The following DENND5A variants were observed in gnomAD, a reference collection of about 807,000 sequenced individuals.
DENND5A encodes the protein DENN domain-containing protein 5A.
In DENND5A, 64 loss-of-function variants were observed where a neutral mutation model predicts 140.3. That is an observed-to-expected ratio of 0.46 (90% CI 0.37 to 0.56). DENND5A has a LOEUF of 0.56. Among genes scored for constraint, DENND5A ranks in the 20% least tolerant of loss-of-function variants. The pLI is 0.00. For synonymous variants in DENND5A, 605 were observed against 607.7 expected (o/e 1.00, Z 0.07); for missense variants, 1,292 against 1,593.8 (o/e 0.81, Z 3.22).
intron 4 of DENND5A, among the ~76,000 whole-genome samples, chr11:9,194,600 A>G (rs576911194): frequency 8.0e-4 from 122 of 152,126 alleles, no homozygotes; most frequent in Non-Finnish European, 1.5e-3. Context: ...CTAGAACTTG[A>G]AAGACTCAGA....
chr11:9,200,193 C>T (rs572081444), intron 4 of DENND5A, among the ~76,000 whole-genome samples: 1 of 152,260 alleles, frequency 6.6e-6, no homozygotes, highest in East Asian at 1.9e-4. Flanking sequence ...CTCTAAACAC[C>T]CCCAATGCCT....
chr11:9,165,781 T>G, intron 11 of DENND5A, 55 bp downstream of exon 11: 1 of 1,601,286 alleles, frequency 6.2e-7, no homozygotes, highest in African/African-American at 1.3e-5. Flanking sequence ...CAATCCTTGG[T>G]CTTACCTTGG....
chr11:9,142,630 G>A, intron 21 of DENND5A, 92 bp downstream of exon 21: 1 of 1,499,228 alleles, frequency 6.7e-7, no homozygotes, highest in Non-Finnish European at 9.0e-7. Context: ...TTTGGGTTCT[G>A]CCTCTCAGAG....
Position 9,204,445 on chromosome 11 carries a change from T to G in DENND5A, c.292-128A>C. On this transcript the variant is annotated intron_variant, in intron 3 of 22. Coordinates refer to ENST00000328194, the MANE Select transcript of DENND5A (RefSeq NM_015213.4). ...AGCGTGTATCTGGCTTAAAGCTCTCTCTTTCTAATGCAAGACATGCAAGTA... is the reference window on the plus strand; with the variant it reads ...AGCGTGTATCTGGCTTAAAGCTCTCGCTTTCTAATGCAAGACATGCAAGTA... The G allele has an allele frequency of 3.6e-6, 3 of 839,760 alleles. No individual in the cohort carries two copies. The Admixed American group carries it at 8.5e-5, about 24-fold the overall frequency. The allele number at this position is 839,760 out of a possible 1,614,324, so 52.0% of individuals were successfully genotyped here. A position where few individuals can be genotyped will look rare whatever the true frequency, so the allele number is the denominator to read the frequency against.
At chr11:9,191,179 ATAGCCCAGAACAGAGGGAACTTT>A (rs1468434853) in intron 5 of DENND5A, among the ~76,000 whole-genome samples, 1 of 152,050 alleles carries the variant, frequency 6.6e-6, no homozygotes, top group Non-Finnish European at 1.5e-5. Context: ...GGAGGCTCCA[ATAGCCCAGAACAGAGGGAACTTT>A]TGGGTTTCTT....
At chr11:9,197,325 G>A (rs898295764) in intron 4 of DENND5A, among the ~76,000 whole-genome samples, 5 of 149,266 alleles carry the variant, frequency 3.3e-5, no homozygotes, top group African/African-American at 1.2e-4. Flanking sequence ...TATATATATA[G>A]TGTATTATTA....
At chr11:9,175,313 C>T (rs1357383132) in intron 8 of DENND5A, 1 of 151,938 alleles carries the variant, frequency 6.6e-6, no homozygotes, top group Non-Finnish European at 1.5e-5. Context: ...AAAACCTGTA[C>T]CCTGAAAAGT....
chr11:9,264,983 C>G lies in DENND5A; in HGVS notation c.87G>C (p.Gly29=), dbSNP rs1442336387. The G allele has an allele frequency of 4.4e-6, 7 of 1,587,742 alleles. No individual in the cohort carries two copies. The Admixed American group carries it at 5.2e-5, about 12-fold the overall frequency. Residue 29 remains glycine (G), a synonymous_variant, in exon 1 of 23, where the codon GGG becomes GGC. Transcript: ENST00000328194. ...FVICGLDTET[G]LEPDELSALC... is the part of the protein sequence containing the mutation. The stretch of plus-strand genomic sequence containing the variant: ...CACCCGACAGCTCGTCCGGCTCCAG[C>G]CCGGTCTCCGTGTCCAGTCCGCAGA...
At chr11:9,231,280 G>A (rs937116898) in intron 1 of DENND5A, among the ~76,000 whole-genome samples, 2 of 152,188 alleles carry the variant, frequency 1.3e-5, no homozygotes, top group African/African-American at 2.4e-5. Flanking sequence ...TTCACAGAAT[G>A]TATACCACGG....
chr11:9,196,115 G>A (rs1033554300), intron 4 of DENND5A, among the ~76,000 whole-genome samples: 3 of 152,126 alleles, frequency 2.0e-5, no homozygotes, highest in Admixed American at 6.5e-5. Flanking sequence ...ACCATGCCTG[G>A]CTAATTTTTG....
chr11:9,193,292 TGATAAA>T (rs767877874), intron 5 of DENND5A, among the ~76,000 whole-genome samples, 196 bp downstream of exon 5: 1 of 152,218 alleles, frequency 6.6e-6, no homozygotes, highest in Non-Finnish European at 1.5e-5. Flanking sequence ...ATATGTCAGT[TGATAAA>T]GATAATAAGT....
At chr11:9,159,388 T>C (rs1306212501) in intron 12 of DENND5A, among the ~76,000 whole-genome samples, 1 of 151,602 alleles carries the variant, frequency 6.6e-6, no homozygotes, top group Non-Finnish European at 1.5e-5. Context: ...TGGTGCAATC[T>C]TGGCTCACTG....
intron 18 of DENND5A, 99 bp downstream of exon 18, chr11:9,144,896 A>G (rs1002627515): frequency 4.7e-6 from 4 of 845,028 alleles, no homozygotes; most frequent in African/African-American, 3.3e-5. Flanking sequence ...GGTTATCACA[A>G]CCTAAAGGGT....
intron 1 of DENND5A, among the ~76,000 whole-genome samples, chr11:9,241,687 C>G (rs1197835807): frequency 6.6e-6 from 1 of 152,192 alleles, no homozygotes; most frequent in Non-Finnish European, 1.5e-5. Context: ...AATTGTCATC[C>G]TCTCAGTGAG....
chr11:9,265,049 T>TCCGCCG lies in DENND5A; in HGVS notation c.15_20dup (p.Gly8_Gly9dup). On this transcript the variant is annotated inframe_insertion, in exon 1 of 23. Transcript: ENST00000328194. The surrounding 1 kb of genome is among the most constrained non-coding windows in gnomAD (Gnocchi z 4.7). ...CGAAGCGACTGGGCGCCGAGCCCCC[T>TCCGCCG]CCGCCGCCGCCGCCACTCATGGCGC... 1.3e-6 allele frequency: 2 copies of TCCGCCG among 1,549,596 alleles called. No homozygotes were observed. Among genetic ancestry groups the TCCGCCG allele is most frequent in the Non-Finnish European group, 1.7e-6 (2 of 1,151,266 alleles).
intron 1 of DENND5A, among the ~76,000 whole-genome samples, chr11:9,224,415 T>C (rs1407092865): frequency 1.3e-5 from 2 of 152,182 alleles, no homozygotes; most frequent in African/African-American, 4.8e-5. Context: ...ACCTGCTTTC[T>C]CCCTCTAATA....
At chr11:9,216,522 A>T (rs1850099721) in intron 1 of DENND5A, among the ~76,000 whole-genome samples, 1 of 152,224 alleles carries the variant, frequency 6.6e-6, no homozygotes, top group African/African-American at 2.4e-5. Context: ...GCTGAGATAC[A>T]ACGTAACCTC....
At chr11:9,245,840 G>A (rs1851449470) in intron 1 of DENND5A, among the ~76,000 whole-genome samples, 1 of 151,876 alleles carries the variant, frequency 6.6e-6, no homozygotes, top group Non-Finnish European at 1.5e-5. Flanking sequence ...TACCATGTTG[G>A]CCAGGCAGGT....
At chr11:9,238,509 C>T (rs11042234) in intron 1 of DENND5A, among the ~76,000 whole-genome samples, 2 of 151,606 alleles carry the variant, frequency 1.3e-5, no homozygotes, top group African/African-American at 4.9e-5. Context: ...CTCTGCTTCC[C>T]GGGTTCACGC....
Sources: gnomAD v4.1 joint callset for allele counts (sites outside exome capture counted in the v4.1 genomes callset) on GRCh38, gnomAD v4.1.1 for gene constraint, Gnocchi (gnomAD v3.1) non-coding constraint, MANE v1.5 for transcripts, NCBI Gene and HGNC (gene_info 2026-07-23, HGNC 2026-07-21) for gene names.